Variants in ANK2 observed in about 807,000 individuals in gnomAD.
ANK2 encodes the protein ankyrin 2.
In ANK2, 83 loss-of-function variants were observed where a neutral mutation model predicts 360.5. The ratio of observed to expected loss-of-function variants is 0.23; its 90% CI spans 0.19 to 0.28. ANK2 has a LOEUF of 0.28. Ranked by LOEUF, ANK2 falls within the 10% of genes least tolerant of loss-of-function variation. The probability of loss-of-function intolerance (pLI) is 1.00; values close to 1 mark genes in which losing one functional copy is unlikely to be tolerated. For missense variants in ANK2, 4,201 were observed against 4,795.7 expected (o/e 0.88, Z 3.66); for synonymous variants, 1,740 against 1,759.5 (o/e 0.99, Z 0.28).
intron 1 of ANK2, among the ~76,000 whole-genome samples, chr4:112,864,486 G>A (rs577305855): frequency 2.0e-5 from 3 of 151,604 alleles, no homozygotes; most frequent in East Asian, 4.0e-4. Context: ...ATTTTTGTAT[G>A]TTTAGTAGAG....
chr4:113,245,951 T>A (rs892374956), intron 9 of ANK2, among the ~76,000 whole-genome samples: 9 of 152,214 alleles, frequency 5.9e-5, no homozygotes, highest in African/African-American at 2.2e-4. Flanking sequence ...ATTACAGGCA[T>A]GTGCCTGGTT....
chr4:112,789,337 T>C, the ANK2 span, among the ~76,000 whole-genome samples: 3,259 of 152,182 alleles, frequency 0.021, 57 homozygotes, highest in Non-Finnish European at 0.033. Context: ...AATAGGAAGA[T>C]CAAAATGAAG....
intron 22 of ANK2, among the ~76,000 whole-genome samples, chr4:113,302,483 T>G (rs1440898803): frequency 6.6e-6 from 1 of 152,232 alleles, no homozygotes; most frequent in Non-Finnish European, 1.5e-5. Context: ...TACAACTAAT[T>G]ATTATTAATA....
At chr4:113,017,423 G>A (rs2056930167) in intron 2 of ANK2, among the ~76,000 whole-genome samples, 1 of 151,122 alleles carries the variant, frequency 6.6e-6, no homozygotes, top group South Asian at 2.1e-4. Flanking sequence ...GATATTTTTT[G>A]TTTGAAGAAG....
intron 2 of ANK2, among the ~76,000 whole-genome samples, chr4:113,040,906 C>G (rs980582081): frequency 6.6e-6 from 1 of 152,030 alleles, no homozygotes; most frequent in Non-Finnish European, 1.5e-5. Flanking sequence ...TTTGAGAGCC[C>G]TTCCCCATGT....
intron 14 of ANK2, among the ~76,000 whole-genome samples, chr4:113,271,996 A>G (rs527535978): frequency 1.3e-4 from 20 of 152,336 alleles, no homozygotes; most frequent in African/African-American, 4.8e-4. Context: ...GCACAATTAC[A>G]GGGCTTGGCA....
chr4:113,316,796 CAT>C (rs777133312), intron 24 of ANK2, among the ~76,000 whole-genome samples: 3 of 152,186 alleles, frequency 2.0e-5, no homozygotes, highest in Non-Finnish European at 4.4e-5. Context: ...TTACCTATTA[CAT>C]ATGAGTGTGT....
intron 4 of ANK2, among the ~76,000 whole-genome samples, chr4:113,205,500 T>C (rs1233708830): frequency 6.6e-6 from 1 of 152,196 alleles, no homozygotes; most frequent in Non-Finnish European, 1.5e-5. Context: ...TATTTTTGCC[T>C]GTTTTGTGAT....
chr4:113,294,111 T>A (rs1410821805), intron 22 of ANK2, among the ~76,000 whole-genome samples: 3 of 152,274 alleles, frequency 2.0e-5, no homozygotes, highest in African/African-American at 7.2e-5. Context: ...TAAAATTTCT[T>A]ATTTTCTCTG....
At chr4:113,183,902 A>G (rs540125681) in intron 2 of ANK2, among the ~76,000 whole-genome samples, 1 of 151,878 alleles carries the variant, frequency 6.6e-6, no homozygotes, top group East Asian at 2.0e-4. Flanking sequence ...TCAAGAGGAT[A>G]CAGGCTGATG....
At chr4:113,138,195 G>T (rs1582772788) in intron 1 of ANK2, among the ~76,000 whole-genome samples, 1 of 152,122 alleles carries the variant, frequency 6.6e-6, no homozygotes. Context: ...AGTGAATGAA[G>T]TTGGACAATG....
At chr4:113,283,466 T>A (rs185431773) in intron 18 of ANK2, among the ~76,000 whole-genome samples, 26 of 152,300 alleles carry the variant, frequency 1.7e-4, no homozygotes, top group African/African-American at 4.3e-4. Flanking sequence ...CATTTTTTTT[T>A]AATAAAGCAC....
chr4:112,791,479 C>CTTTTTTTTTTTTTTTT, the ANK2 span, among the ~76,000 whole-genome samples: 8 of 93,896 alleles, frequency 8.5e-5, no homozygotes, highest in Non-Finnish European at 1.0e-4. Context: ...TCTTCTTCTT[C>CTTTTTTTTTTTTTTTT]TTTTTTTTTT....
intron 1 of ANK2, among the ~76,000 whole-genome samples, chr4:112,904,168 T>C (rs2150916101): frequency 6.6e-6 from 1 of 152,328 alleles, no homozygotes; most frequent in Non-Finnish European, 1.5e-5. Context: ...TGAATCTACT[T>C]ATGATTGAAT....
At chr4:113,073,476 T>C (rs2078607152) in intron 1 of ANK2, among the ~76,000 whole-genome samples, 1 of 152,164 alleles carries the variant, frequency 6.6e-6, no homozygotes, top group Middle Eastern at 3.2e-3. Flanking sequence ...ATTGCCTATG[T>C]GATTCAGGTG....
intron 2 of ANK2, among the ~76,000 whole-genome samples, chr4:112,989,094 C>G (rs1303933574): frequency 6.6e-6 from 1 of 152,166 alleles, no homozygotes; most frequent in African/African-American, 2.4e-5. Context: ...TACACTTGAT[C>G]TTAGCCAAAA....
At chr4:112,798,166 G>A in the ANK2 span, 7 of 153,286 alleles carry the variant, frequency 4.6e-5, no homozygotes, top group East Asian at 7.7e-4. Flanking sequence ...TATTCTGGCC[G>A]AGGAAACTTG....
the ANK2 span, among the ~76,000 whole-genome samples, chr4:112,737,740 A>T: frequency 1.3e-5 from 2 of 152,188 alleles, no homozygotes; most frequent in African/African-American, 4.8e-5. Flanking sequence ...CACCATATAG[A>T]TGACTTGGGC....
At chr4:112,795,992 G>T in the ANK2 span, among the ~76,000 whole-genome samples, 37,083 of 150,956 alleles carry the variant, frequency 0.25, 4,883 homozygotes, top group East Asian at 0.53. Context: ...TAGAGATGGA[G>T]TTTCACTATG....
Sources: allele counts gnomAD v4.1 joint callset (sites outside exome capture counted in the v4.1 genomes callset), GRCh38; gene constraint gnomAD v4.1.1; transcripts MANE v1.5; gene names NCBI Gene and HGNC (gene_info 2026-07-23, HGNC 2026-07-21).